The following ABCA12 variants were observed in gnomAD, a reference collection of about 807,000 sequenced individuals.
The protein encoded by ABCA12 is glucosylceramide transporter ABCA12.
In ABCA12, 156 loss-of-function variants were observed where a neutral mutation model predicts 293.5. The ratio of observed to expected loss-of-function variants is 0.53; its 90% CI spans 0.47 to 0.61. ABCA12 has a LOEUF of 0.61. Among genes scored for constraint, ABCA12 ranks in the 20% least tolerant of loss-of-function variants. The pLI is 0.00. For synonymous variants in ABCA12, 1,063 were observed against 1,108.0 expected (o/e 0.96, Z 0.81); for missense variants, 2,797 against 3,090.2 (o/e 0.91, Z 2.25).
chr2:215,101,642 A>C (rs1702358900), intron 2 of ABCA12, among the ~76,000 whole-genome samples: 1 of 152,192 alleles, frequency 6.6e-6, no homozygotes, highest in Non-Finnish European at 1.5e-5. Context: ...TGTAAATCTT[A>C]TTTTGGACAG....
Position 215,026,925 on chromosome 2 carries a change from CCAGAATTAGGAGCCTG to C in ABCA12, c.1062-3_1074del. 6.3e-7 allele frequency: 1 copy of C among 1,594,400 alleles called. No homozygotes were observed. The highest frequency in any genetic ancestry group is 2.2e-5 in the East Asian group (1 of 44,772). ...TTTAAGAGGGCATCTTCAAAGTTTT[CCAGAATTAGGAGCCTG>C]CAGAATTAGAAAAGAATATAGAAAT... On this transcript the variant is annotated splice_acceptor_variant and splice_polypyrimidine_tract_variant and coding_sequence_variant and intron_variant, in exon 10 of 53. Transcript: ENST00000272895. LOFTEE classifies it high-confidence loss of function.
At chr2:215,087,379 C>A (rs1374027988) in intron 2 of ABCA12, among the ~76,000 whole-genome samples, 1 of 152,086 alleles carries the variant, frequency 6.6e-6, no homozygotes, top group Non-Finnish European at 1.5e-5. Context: ...AGATCTTTAG[C>A]TTCGATTAAC....
Position 215,133,149 on chromosome 2 carries a change from A to AT in ABCA12, c.69+4990dup, listed in dbSNP as rs55641331. The stretch of plus-strand genomic sequence containing the variant: ...TGACTCTTTTCTCTAGCTGGCTTTA[A>AT]TTTTTTTTTTTTTTTTTTTTTTTTT... On this transcript the variant is annotated intron_variant, in intron 1 of 52. Coordinates refer to ENST00000272895, the MANE Select transcript of ABCA12 (RefSeq NM_173076.3). Among the ~76,000 whole-genome samples the AT allele has an allele frequency of 1.5e-3, 51 of 34,884 alleles. 10 individuals carry two copies. Among genetic ancestry groups the AT allele is most frequent in the South Asian group, 3.3e-3 (2 of 606 alleles). 22.9% of individuals were successfully genotyped at this position (34,884 alleles called of 152,430 possible). A position where few individuals can be genotyped will look rare whatever the true frequency, so the allele number is the denominator to read the frequency against.
rs1559131451 is a variant in ABCA12 at position 214,986,599 on chromosome 2, T to C, written c.4106A>G (p.Tyr1369Cys). 1 of 1,614,150 alleles carries C rather than the reference T, an allele frequency of 6.2e-7. No homozygotes were observed. ...VAVDNLNLNF[Y>C]EGHITSLLGP... ...CAGCAATGAAGTAATATGCCCTTCA[T>C]AAAAGTTCAGATTGAGGTTATCAAC... is the stretch of plus-strand genomic sequence containing the variant. The change falls in exon 28 of 53, where the codon TAT (tyrosine) becomes TGT (cysteine). Residue 1369 changes from tyrosine to cysteine, a missense_variant. Tyr to Cys is a radical substitution (Grantham distance 194). Coordinates refer to ENST00000272895, the MANE Select transcript of ABCA12 (RefSeq NM_173076.3).
intron 2 of ABCA12, among the ~76,000 whole-genome samples, chr2:215,065,028 T>C (rs1701614220): frequency 6.6e-6 from 1 of 151,878 alleles, no homozygotes; most frequent in Non-Finnish European, 1.5e-5. Flanking sequence ...ATGCAAATTT[T>C]CTCCAAAATT....
At chr2:215,082,187 G>A (rs1377460700) in intron 2 of ABCA12, among the ~76,000 whole-genome samples, 2 of 151,334 alleles carry the variant, frequency 1.3e-5, no homozygotes, top group Non-Finnish European at 2.9e-5. Context: ...TGGGATTACA[G>A]GTGCCCGCCA....
chr2:215,131,140 A>C (rs1464794968), intron 1 of ABCA12, among the ~76,000 whole-genome samples: 1 of 151,854 alleles, frequency 6.6e-6, no homozygotes, highest in Non-Finnish European at 1.5e-5. Flanking sequence ...TATTTTGTTG[A>C]GGATTTTTGC....
chr2:215,124,043 C>T (rs973038447), intron 1 of ABCA12, among the ~76,000 whole-genome samples: 1 of 152,174 alleles, frequency 6.6e-6, no homozygotes, highest in Non-Finnish European at 1.5e-5. Context: ...TCCTGAGTTA[C>T]TTCACTTAGA....
Position 214,950,864 on chromosome 2 carries a change from AAC to A in ABCA12, c.6852+13_6852+14del, listed in dbSNP as rs2105927619. On this transcript the variant is annotated intron_variant, in intron 45 of 52. Coordinates refer to ENST00000272895, the MANE Select transcript of ABCA12 (RefSeq NM_173076.3). The stretch of plus-strand genomic sequence containing the variant: ...CAATGAAAAGGACAGTTAGAAACAA[AAC>A]ACAGTTTCTTACCTCTCCAGCAGGT... The A allele has an allele frequency of 5.6e-6, 9 of 1,612,136 alleles. No homozygotes were observed. Among genetic ancestry groups the A allele is most frequent in the Non-Finnish European group, 7.6e-6 (9 of 1,178,208 alleles).
At chr2:214,959,998 T>C (rs1699070010) in intron 39 of ABCA12, among the ~76,000 whole-genome samples, 1 of 152,170 alleles carries the variant, frequency 6.6e-6, no homozygotes, top group Non-Finnish European at 1.5e-5. Flanking sequence ...CTTTCTCACT[T>C]AACTGTTCAT....
chr2:215,015,884 C>A (rs1453254198), intron 14 of ABCA12, among the ~76,000 whole-genome samples: 1 of 152,198 alleles, frequency 6.6e-6, no homozygotes, highest in Non-Finnish European at 1.5e-5. Context: ...GTGGCTCACG[C>A]CTGTAATCCC....
chr2:214,980,400 T>G (rs1261023595), intron 31 of ABCA12, 83 bp downstream of exon 31: 5 of 1,561,110 alleles, frequency 3.2e-6, no homozygotes, highest in Non-Finnish European at 4.4e-6. Flanking sequence ...TAGCAATGAA[T>G]AAAGTTGGAG....
chr2:214,977,347 T>C (rs1391326280), intron 33 of ABCA12, among the ~76,000 whole-genome samples: 2 of 152,200 alleles, frequency 1.3e-5, no homozygotes, highest in Non-Finnish European at 1.5e-5. Context: ...CTCAATGCCA[T>C]GGAGGCCACA....
intron 48 of ABCA12, among the ~76,000 whole-genome samples, chr2:214,945,726 T>C (rs1432599783): frequency 2.0e-5 from 3 of 152,188 alleles, no homozygotes; most frequent in Admixed American, 1.3e-4. Context: ...TAACAGGTTT[T>C]GACAGATGGT....
chr2:215,134,954 A>T (rs1038010642), intron 1 of ABCA12, among the ~76,000 whole-genome samples: 3 of 132,518 alleles, frequency 2.3e-5, no homozygotes, highest in African/African-American at 3.5e-5. Flanking sequence ...CATATACTTT[A>T]AAAAAAAATT....
At chr2:215,015,315 G>A (rs1700468351) in intron 15 of ABCA12, among the ~76,000 whole-genome samples, 175 bp downstream of exon 15, 1 of 151,850 alleles carries the variant, frequency 6.6e-6, no homozygotes, top group Admixed American at 6.6e-5. Context: ...TCTATAAAAC[G>A]TGCAAAATTG....
intron 7 of ABCA12, among the ~76,000 whole-genome samples, chr2:215,043,678 T>C (rs1701147117): frequency 6.6e-6 from 1 of 152,134 alleles, no homozygotes; most frequent in Admixed American, 6.6e-5. Context: ...AATGAGTTTT[T>C]TTTAAGTTGT....
chr2:215,002,556 G>C (rs1215060380), intron 20 of ABCA12, among the ~76,000 whole-genome samples: 1 of 152,182 alleles, frequency 6.6e-6, no homozygotes, highest in East Asian at 1.9e-4. Flanking sequence ...ACAGAACCCA[G>C]ACATGTCTCT....
intron 26 of ABCA12, 119 bp downstream of exon 26, chr2:214,989,210 A>ATATATATATAT (rs60341150): frequency 8.3e-4 from 124 of 149,456 alleles, no homozygotes; most frequent in East Asian, 1.5e-3. Flanking sequence ...ATATATATAT[A>ATATATATATAT]ATATTTTTAT....
Sources: gnomAD v4.1 joint callset for allele counts (sites outside exome capture counted in the v4.1 genomes callset) on GRCh38, gnomAD v4.1.1 for gene constraint, MANE v1.5 for transcripts, NCBI Gene and HGNC (gene_info 2026-07-23, HGNC 2026-07-21) for gene names.